Variants in CACNB2 observed in about 807,000 individuals in gnomAD.
CACNB2 encodes the protein calcium voltage-gated channel auxiliary subunit beta 2.
CACNB2 carries 42 observed loss-of-function variants against 73.3 expected under a neutral mutation model. The ratio of observed to expected loss-of-function variants is 0.57; its 90% CI spans 0.45 to 0.74. The LOEUF (loss-of-function observed/expected upper bound fraction) is 0.74, where lower values mean the gene tolerates loss of function less well. CACNB2 is among the 30% of genes least tolerant of loss of function. The pLI, the probability that CACNB2 is intolerant of heterozygous loss-of-function variation, is 0.00. For missense variants in CACNB2, 940 were observed against 853.0 expected, an observed-to-expected ratio of 1.10 and a Z score of -1.27; for synonymous variants, 348 against 310.3, an observed-to-expected ratio of 1.12 and a Z score of -1.28.
At chr10:18,465,553 C>T (rs1191853115) in intron 3 of CACNB2, among the ~76,000 whole-genome samples, 1 of 152,164 alleles carries the variant, frequency 6.6e-6, no homozygotes, top group African/African-American at 2.4e-5. Context: ...CTCTTCTCTC[C>T]ATAGCATTAC....
chr10:18,244,738 T>G (rs1772241344), intron 2 of CACNB2, among the ~76,000 whole-genome samples: 1 of 152,188 alleles, frequency 6.6e-6, no homozygotes, highest in Non-Finnish European at 1.5e-5. Context: ...CCCCCAAAGA[T>G]GTCCATGTTC....
At chr10:18,385,067 G>A (rs1218301965) in intron 2 of CACNB2, among the ~76,000 whole-genome samples, 3 of 152,064 alleles carry the variant, frequency 2.0e-5, no homozygotes, top group Non-Finnish European at 4.4e-5. Context: ...ATCATCTGAG[G>A]TCAGGAGTTC....
At chr10:18,522,407 T>C (rs181110168) in intron 9 of CACNB2, among the ~76,000 whole-genome samples, 19 of 152,040 alleles carry the variant, frequency 1.2e-4, no homozygotes, top group Admixed American at 3.9e-4. Context: ...GCCAAAAAGG[T>C]TGGGGACTGC....
At chr10:18,401,011 G>A (rs763518752) in intron 2 of CACNB2, 3 of 1,614,034 alleles carry the variant, frequency 1.9e-6, no homozygotes, top group South Asian at 1.1e-5. Context: ...AGCTGCGGAC[G>A]ATAAAGGCGC....
chr10:18,371,383 G>T (rs2042577004), intron 2 of CACNB2, among the ~76,000 whole-genome samples: 2 of 151,996 alleles, frequency 1.3e-5, no homozygotes, highest in Admixed American at 6.6e-5. Flanking sequence ...ACGGGCCCCG[G>T]TGTGTGATGT....
In CACNB2 at chr10:18,468,884, C is replaced by T. The variant is rs372073232; in HGVS notation, c.334-29471C>T. ...AAAGTGCTGGGATTACAGGCATGAG[C>T]CACCATGCCTGGCCATGCATCTGAA... On this transcript the variant is annotated intron_variant, in intron 3 of 13. Coordinates refer to ENST00000324631, the MANE Select transcript of CACNB2 (RefSeq NM_201596.3). Among the ~76,000 whole-genome samples, 20 of 152,174 alleles carry T rather than the reference C, an allele frequency of 1.3e-4. 1 individual carries two copies. Among genetic ancestry groups the T allele is most frequent in the Admixed American group, 8.5e-4 (13 of 15,268 alleles).
intron 2 of CACNB2, among the ~76,000 whole-genome samples, chr10:18,255,198 A>T (rs183324125): frequency 8.2e-4 from 125 of 152,192 alleles, no homozygotes; most frequent in Middle Eastern, 3.4e-3. Context: ...GGCCCTCATG[A>T]TCTTGCCTGA....
Position 18,539,504 on chromosome 10 carries a change from AC to A in CACNB2, c.1764del (p.His588GlnfsTer54). The A allele has an allele frequency of 1.2e-6, 2 of 1,614,012 alleles. No homozygotes were observed. Among genetic ancestry groups the A allele is most frequent in the Non-Finnish European group, 1.7e-6 (2 of 1,179,994 alleles). ...GACCACTATGCCTCACACCGTGACC[AC>A]AACCACAGAGACGAGACCCACGGGA... ...HVDHYASHRD[H>X]NHRDETHGSS... On this transcript the variant is annotated frameshift_variant, in exon 14 of 14. Transcript: ENST00000324631. LOFTEE classifies it high-confidence loss of function.
chr10:18,490,376 C>T (rs1204201990), intron 3 of CACNB2, among the ~76,000 whole-genome samples: 4 of 152,124 alleles, frequency 2.6e-5, no homozygotes, highest in African/African-American at 4.8e-5. Context: ...TGTGCTCATA[C>T]GTCATGTCGA....
intron 2 of CACNB2, among the ~76,000 whole-genome samples, chr10:18,345,037 T>A (rs892687474): frequency 2.0e-5 from 3 of 152,258 alleles, no homozygotes; most frequent in Non-Finnish European, 4.4e-5. Context: ...ATCGTGACGA[T>A]CTGCCATTGA....
intron 2 of CACNB2, among the ~76,000 whole-genome samples, chr10:18,284,949 C>T (rs80121067): frequency 0.02 from 3,007 of 152,084 alleles, 100 homozygotes; most frequent in African/African-American, 0.07. Context: ...TTATCCAAGA[C>T]GAACATAAGA....
At position 18,250,848 on chromosome 10, in the gene CACNB2, G is replaced by A. The variant is rs148987279; in HGVS notation, c.213+99873G>A. On this transcript the variant is annotated intron_variant, in intron 2 of 13. Coordinates refer to ENST00000324631, the MANE Select transcript of CACNB2 (RefSeq NM_201596.3). ...CCAGGTCTGCTCTTACTCCTGAAGT[G>A]TCCATGCACCAAAGCTACCTACATC... Among the ~76,000 whole-genome samples the A allele has an allele frequency of 3.2e-4, 49 of 152,316 alleles. 1 individual carries two copies. The highest frequency in any genetic ancestry group is 3.4e-3 in the Middle Eastern group (1 of 294).
intron 2 of CACNB2, among the ~76,000 whole-genome samples, chr10:18,203,936 T>C (rs1308600150): frequency 1.3e-5 from 2 of 152,218 alleles, no homozygotes; most frequent in Non-Finnish European, 2.9e-5. Flanking sequence ...GAAGTTTCAG[T>C]AGGAAAATAC....
At chr10:18,396,818 A>C (rs2043735620) in intron 2 of CACNB2, among the ~76,000 whole-genome samples, 1 of 152,132 alleles carries the variant, frequency 6.6e-6, no homozygotes, top group African/African-American at 2.4e-5. Flanking sequence ...GCAAGCAATG[A>C]GTTTGCCATT....
At chr10:18,240,624 A>T (rs577507183) in intron 2 of CACNB2, among the ~76,000 whole-genome samples, 1 of 152,160 alleles carries the variant, frequency 6.6e-6, no homozygotes, top group Non-Finnish European at 1.5e-5. Flanking sequence ...ATATCCTGGC[A>T]CATTTCTACT....
intron 2 of CACNB2, among the ~76,000 whole-genome samples, chr10:18,374,325 C>G (rs1241173098): frequency 6.6e-6 from 1 of 152,092 alleles, no homozygotes; most frequent in African/African-American, 2.4e-5. Context: ...CTTTCAAAGG[C>G]CGAAGAGAGA....
Position 18,540,348 on chromosome 10 carries a change from C to T in CACNB2, c.*624C>T, listed in dbSNP as rs2054005811. ...TTATATATATAATATATATATATAT[C>T]AGTTTGATCACACTATTTTAGAGTC... On this transcript the variant is annotated 3_prime_UTR_variant, in exon 14 of 14. Coordinates refer to ENST00000324631, the MANE Select transcript of CACNB2 (RefSeq NM_201596.3). 1 of 151,080 alleles carries T rather than the reference C, an allele frequency of 6.6e-6. No homozygotes were observed. Among genetic ancestry groups the T allele is most frequent in the African/African-American group, 2.4e-5 (1 of 40,890 alleles). The allele number at this position is 151,080 out of a possible 1,614,324, so 9.4% of individuals were successfully genotyped here. A position where few individuals can be genotyped will look rare whatever the true frequency, so the allele number is the denominator to read the frequency against.
In CACNB2 at chr10:18,539,740, G is replaced by GCTTTTTTTTTTTTT; in HGVS notation, c.*16_*17insCTTTTTTTTTTTTT. ...CCGCCAATGAGTTTTGCCCGTTTGT[G>GCTTTTTTTTTTTTT]TTTTTTTTTTTTTTTTTTTGAAGTC... On this transcript the variant is annotated 3_prime_UTR_variant, in exon 14 of 14. Coordinates refer to ENST00000324631, the MANE Select transcript of CACNB2 (RefSeq NM_201596.3). 1.4e-6 allele frequency: 2 copies of GCTTTTTTTTTTTTT among 1,448,640 alleles called. No homozygotes were observed. The highest frequency in any genetic ancestry group is 1.9e-6 in the Non-Finnish European group (2 of 1,077,644). The allele number at this position is 1,448,640 out of a possible 1,614,324, so 89.7% of individuals were successfully genotyped here. A position where few individuals can be genotyped will look rare whatever the true frequency, so the allele number is the denominator to read the frequency against.
At chr10:18,301,211 C>T (rs1170947605) in intron 2 of CACNB2, among the ~76,000 whole-genome samples, 1 of 152,170 alleles carries the variant, frequency 6.6e-6, no homozygotes, top group Non-Finnish European at 1.5e-5. Context: ...TTGTTATTAA[C>T]TTCCCAAGTC....
Sources: gnomAD v4.1 joint callset for allele counts (sites outside exome capture counted in the v4.1 genomes callset) on GRCh38, gnomAD v4.1.1 for gene constraint, MANE v1.5 for transcripts, NCBI Gene and HGNC (gene_info 2026-07-23, HGNC 2026-07-21) for gene names.